MED14: variants seen among roughly 807,000 people sequenced by gnomAD.
MED14 encodes mediator complex subunit 14, also known as mediator of RNA polymerase II transcription subunit 14.
In MED14, 8 loss-of-function variants were observed where a neutral mutation model predicts 109.0. That is an observed-to-expected ratio of 0.07 (90% CI 0.04 to 0.13). The LOEUF is 0.13. Among genes scored for constraint, MED14 ranks in the 10% least tolerant of loss-of-function variants. The pLI, the probability that MED14 is intolerant of heterozygous loss-of-function variation, is 1.00. For synonymous variants in MED14, 399 were observed against 408.7 expected, an observed-to-expected ratio of 0.98 and a Z score of 0.29; for missense variants, 711 against 1,142.4, an observed-to-expected ratio of 0.62 and a Z score of 5.44.
intron 28 of MED14, among the ~76,000 whole-genome samples, chrX:40,656,938 A>G (rs1248173035): frequency 8.9e-6 from 1 of 111,838 alleles, no homozygotes; most frequent in Non-Finnish European, 1.9e-5. Context: ...GCCAGGCTGG[A>G]GTGCAATGGT....
rs1928844735 is a variant in MED14 at position 40,650,918 on chromosome X, T to TA, written c.*887dup. The TA allele has an allele frequency of 1.3e-6, 1 of 752,196 alleles. No individual in the cohort carries two copies. Among genetic ancestry groups the TA allele is most frequent in the Non-Finnish European group, 1.6e-6 (1 of 638,656 alleles). The allele number at this position is 752,196 out of a possible 1,213,427, so 62.0% of individuals were successfully genotyped here. ...TTGTATGCAGAAGTATTCTGTAAAC[T>TA]AAATTTTCCTGACAGAAAAGTTCCC... On this transcript the variant is annotated 3_prime_UTR_variant, in exon 31 of 31. Coordinates refer to ENST00000324817, the MANE Select transcript of MED14 (RefSeq NM_004229.4).
intron 8 of MED14, among the ~76,000 whole-genome samples, chrX:40,710,652 G>A (rs925163055): frequency 3.6e-5 from 4 of 110,608 alleles, no homozygotes; most frequent in Non-Finnish European, 7.6e-5. Context: ...CTAACCTAAC[G>A]GTCTTTTAGC....
intron 23 of MED14, among the ~76,000 whole-genome samples, chrX:40,667,923 G>A (rs778596908): frequency 9.0e-6 from 1 of 111,180 alleles, no homozygotes; most frequent in Non-Finnish European, 1.9e-5. Flanking sequence ...GAAGAGCTTC[G>A]GCCCAAGTAG....
chrX:40,699,459 T>C (rs1259591599), intron 12 of MED14, among the ~76,000 whole-genome samples: 4 of 112,279 alleles, frequency 3.6e-5, no homozygotes, highest in Non-Finnish European at 7.5e-5. Context: ...AGATTAGTGA[T>C]AAACTGGTCA....
intron 15 of MED14, among the ~76,000 whole-genome samples, chrX:40,691,019 G>T (rs1360830719): frequency 2.7e-5 from 3 of 111,996 alleles, no homozygotes; most frequent in Non-Finnish European, 5.6e-5. Context: ...TTACAGAGGA[G>T]GGGATTCTTA....
Position 40,659,144 on chromosome X carries a change from G to A in MED14, c.3972+83C>T, listed in dbSNP as rs1017212710. ...AAAAATAGAAGAAACTACATAGATG[G>A]GTGAAAACCAATAAACACTGCTCCC... On this transcript the variant is annotated intron_variant, in intron 28 of 30. Transcript: ENST00000324817. 7 of 530,758 alleles carry A rather than the reference G, an allele frequency of 1.3e-5. No individual in the cohort carries two copies. In the Admixed American group the frequency reaches 2.0e-4, roughly 15 times the overall value. 43.7% of individuals were successfully genotyped at this position (530,758 alleles called of 1,213,427 possible).
intron 20 of MED14, 24 bp downstream of exon 20, chrX:40,680,734 T>A (rs759737038): frequency 7.7e-6 from 9 of 1,168,673 alleles, no homozygotes; most frequent in Non-Finnish European, 1.0e-5. Context: ...GTCTTATTTT[T>A]AGACAGAAAA....
At chrX:40,698,274 A>G (rs1930794983) in intron 12 of MED14, among the ~76,000 whole-genome samples, 1 of 112,237 alleles carries the variant, frequency 8.9e-6, no homozygotes, top group Non-Finnish European at 1.9e-5. Flanking sequence ...CATCAATCCA[A>G]CGTGGACAAG....
chrX:40,682,956 C>A lies in MED14; in HGVS notation c.2098G>T (p.Ala700Ser). The A allele has an allele frequency of 8.3e-7, 1 of 1,210,302 alleles. No individual in the cohort carries two copies. The highest frequency in any genetic ancestry group is 1.8e-5 in the South Asian group (1 of 56,716). The stretch of plus-strand genomic sequence containing the variant: ...CAATCAAGAAGAGAGCGGTCCAGAG[C>A]CTTTTGGGTTTCCTCAGTTATACCC... ...CKGITEETQK[A>S]LDRSLLDCTF... Residue 700 changes from alanine (A) to serine (S), a missense_variant, in exon 17 of 31, where the codon GCT (alanine) becomes TCT (serine). Ala to Ser is a moderately conservative substitution (Grantham distance 99). Coordinates refer to ENST00000324817, the MANE Select transcript of MED14 (RefSeq NM_004229.4).
intron 12 of MED14, among the ~76,000 whole-genome samples, chrX:40,698,765 A>G (rs751982278): frequency 4.5e-5 from 5 of 112,337 alleles, no homozygotes; most frequent in Non-Finnish European, 7.5e-5. Flanking sequence ...GACAGTAACA[A>G]TTGTTGGCAA....
At chrX:40,727,553 T>C (rs1309979552) in intron 2 of MED14, among the ~76,000 whole-genome samples, 3 of 112,013 alleles carry the variant, frequency 2.7e-5, no homozygotes, top group Non-Finnish European at 5.6e-5. Flanking sequence ...ATCAGTACTT[T>C]TATCTCATCC....
Position 40,666,772 on chromosome X carries a change from T to C in MED14, c.3213A>G (p.Pro1071=), listed in dbSNP as rs1929503770. ...GTCCTATTGAGATTCCATGCGAGGA[T>C]GGGGGAGGAGTTGGAACAAATGACG... ...SPASFVPTPP[P]SSHGISIGPG... The change falls in exon 24 of 31, where the codon CCA becomes CCG. Residue 1071 remains proline (P), a synonymous_variant. Coordinates refer to ENST00000324817, the MANE Select transcript of MED14 (RefSeq NM_004229.4). 2 of 1,204,121 alleles carry C rather than the reference T, an allele frequency of 1.7e-6. No homozygotes were observed. The highest frequency in any genetic ancestry group is 1.1e-6 in the Non-Finnish European group (1 of 891,278).
chrX:40,663,971 ACACGG>A (rs1440451778), intron 25 of MED14, among the ~76,000 whole-genome samples: 1 of 111,207 alleles, frequency 9.0e-6, no homozygotes, highest in East Asian at 2.8e-4. Context: ...CACAGGAAAG[ACACGG>A]CACAATTAGA....
chrX:40,714,882 A>G (rs6520684), intron 3 of MED14, 172 bp from the exon 4 acceptor site: 7,181 of 411,216 alleles, frequency 0.017, 263 homozygotes, highest in Admixed American at 0.15. Context: ...AATATTTAAT[A>G]CACTAGTATT....
chrX:40,682,819 T>C lies in MED14; in HGVS notation c.2218+17A>G. ...AATCCAGAAATATGCAAAGACAAAA[T>C]GTGTGAAACATCTCACCTTGCTCCC... On this transcript the variant is annotated intron_variant, in intron 17 of 30. Transcript: ENST00000324817. 1.7e-6 allele frequency: 2 copies of C among 1,209,123 alleles called. No individual in the cohort carries two copies. Among genetic ancestry groups the C allele is most frequent in the Non-Finnish European group, 2.2e-6 (2 of 894,075 alleles).
At chrX:40,706,964 CTTT>C (rs1438567757) in intron 10 of MED14, among the ~76,000 whole-genome samples, 1 of 112,000 alleles carries the variant, frequency 8.9e-6, no homozygotes, top group Non-Finnish European at 1.9e-5. Flanking sequence ...TTAAAGTCTT[CTTT>C]AAGAACAAAA....
At chrX:40,664,256 G>A in intron 25 of MED14, 51 bp downstream of exon 25, 1 of 1,100,539 alleles carries the variant, frequency 9.1e-7, no homozygotes, top group Non-Finnish European at 1.2e-6. Context: ...AACAAGATAG[G>A]TCACTTTGGG....
Position 40,654,499 on chromosome X carries a change from G to C in MED14, c.4156C>G (p.Pro1386Ala), listed in dbSNP as rs1289245593. ...CCTGAAGCCATGTCATAAATGATTG[G>C]AACTATAATACTAACAGGTTCTTGG... The part of the protein sequence containing the change: ...PPQEPVSIIV[P>A]IIYDMASGTT... The change falls in exon 30 of 31, where the codon CCA (proline) becomes GCA (alanine). Residue 1386 changes from proline (P) to alanine (A), a missense_variant. By Grantham distance (27) the Pro-to-Ala change is conservative (BLOSUM62 -1). Around this residue, in one of 8 missense-constraint regions of MED14, gnomAD observed 41 missense variants for 66.9 expected, o/e 0.61. Transcript: ENST00000324817. The C allele has an allele frequency of 8.3e-7, 1 of 1,209,259 alleles. No homozygotes were observed. Among genetic ancestry groups the C allele is most frequent in the Non-Finnish European group, 1.1e-6 (1 of 894,953 alleles).
intron 22 of MED14, 27 bp downstream of exon 22, chrX:40,675,194 C>T (rs775991231): frequency 8.8e-7 from 1 of 1,131,287 alleles, no homozygotes; most frequent in South Asian, 2.4e-5. Context: ...AAATGTGATA[C>T]CACTTGGAAT....
Sources: gnomAD v4.1 joint callset for allele counts (sites outside exome capture counted in the v4.1 genomes callset) on GRCh38, gnomAD v4.1.1 for gene constraint, gnomAD v4.1.1 regional missense constraint, MANE v1.5 for transcripts, NCBI Gene and HGNC (gene_info 2026-07-23, HGNC 2026-07-21) for gene names.